SNX25: variants seen among roughly 807,000 people sequenced by gnomAD.
SNX25 encodes the protein sorting nexin-25.
In SNX25, 62 loss-of-function variants were observed where a neutral mutation model predicts 113.7. The ratio of observed to expected loss-of-function variants is 0.55; its 90% CI spans 0.44 to 0.67. The LOEUF (loss-of-function observed/expected upper bound fraction) is 0.67, where lower values mean the gene tolerates loss of function less well. Ranked by LOEUF, SNX25 falls within the 30% of genes least tolerant of loss-of-function variation. The pLI is 0.00. For missense variants in SNX25, 1,014 were observed against 1,161.0 expected, an observed-to-expected ratio of 0.87 and a Z score of 1.84; for synonymous variants, 421 against 436.2, an observed-to-expected ratio of 0.97 and a Z score of 0.43.
upstream of SNX25, among the ~76,000 whole-genome samples, chr4:185,205,837 T>C (rs3112882): frequency 0.45 from 68,801 of 151,712 alleles, 16,253 homozygotes; most frequent in East Asian, 0.59. Context: ...TCTAAATAAA[T>C]AAACAAACTG....
chr4:185,211,899 T>A (rs1440072750), intron 1 of SNX25, among the ~76,000 whole-genome samples: 1 of 152,160 alleles, frequency 6.6e-6, no homozygotes, highest in Non-Finnish European at 1.5e-5. Context: ...CCCGCAAATC[T>A]CCCAGCTCAC....
intron 10 of SNX25, 55 bp downstream of exon 10, chr4:185,332,814 A>C: frequency 6.4e-7 from 1 of 1,558,274 alleles, no homozygotes; most frequent in Non-Finnish European, 8.7e-7. Flanking sequence ...CTAATTTGGT[A>C]GTTTTCAGTT....
downstream of SNX25, chr4:185,364,582 G>T (rs2095380077): frequency 6.6e-6 from 1 of 152,046 alleles, no homozygotes; most frequent in South Asian, 2.1e-4. Context: ...CTAACTTCTT[G>T]ATAAGAAACA....
At chr4:185,358,163 A>T (rs771505984) in intron 16 of SNX25, among the ~76,000 whole-genome samples, 1 of 152,248 alleles carries the variant, frequency 6.6e-6, no homozygotes, top group Non-Finnish European at 1.5e-5. Context: ...CAGACCATGT[A>T]TTAAGGTTTT....
chr4:185,368,619 C>G (rs967382214), downstream of SNX25, among the ~76,000 whole-genome samples: 1 of 152,178 alleles, frequency 6.6e-6, no homozygotes, highest in Admixed American at 6.5e-5. Flanking sequence ...CACTGGTTTA[C>G]TGCCTCTAAA....
At position 185,220,565 on chromosome 4, in the gene SNX25, T is replaced by A. The variant is rs1410989392; in HGVS notation, c.429+10310T>A. ...TGTGCGATCGCGGCTTACTACAACC[T>A]CTGCCTGCCAGGTTCAAGCAATTCT... On this transcript the variant is annotated intron_variant, in intron 1 of 18. Transcript: ENST00000652585. Among the ~76,000 whole-genome samples, 4 of 142,936 alleles carry A rather than the reference T, an allele frequency of 2.8e-5. No homozygotes were observed. In the Admixed American group the frequency reaches 2.9e-4, roughly 10 times the overall value. 93.8% of individuals were successfully genotyped at this position (142,936 alleles called of 152,430 possible).
intron 16 of SNX25, among the ~76,000 whole-genome samples, chr4:185,360,297 T>C (rs938016623): frequency 6.6e-6 from 1 of 152,166 alleles, no homozygotes; most frequent in Non-Finnish European, 1.5e-5. Flanking sequence ...GAGAAGAGTC[T>C]AGGAGATACG....
chr4:185,361,205 G>A (rs28542795), intron 16 of SNX25, among the ~76,000 whole-genome samples: 34,458 of 152,028 alleles, frequency 0.23, 4,110 homozygotes, highest in African/African-American at 0.3. Context: ...AGACAGCTAC[G>A]GAAAGCCTGC....
intron 1 of SNX25, among the ~76,000 whole-genome samples, chr4:185,217,045 G>A (rs146579135): frequency 6.6e-6 from 1 of 152,172 alleles, no homozygotes; most frequent in Non-Finnish European, 1.5e-5. Context: ...CTTCAGGCAT[G>A]GTCACTGTTG....
intron 6 of SNX25, among the ~76,000 whole-genome samples, chr4:185,302,579 G>T (rs557762560): frequency 3.9e-5 from 6 of 152,318 alleles, no homozygotes; most frequent in African/African-American, 1.4e-4. Flanking sequence ...TTGGAGTTGG[G>T]TTTTCCTTGC....
At chr4:185,376,909 C>G in the SNX25 span, 1 of 1,600,162 alleles carries the variant, frequency 6.2e-7, no homozygotes, top group Non-Finnish European at 8.6e-7. Flanking sequence ...AAAATGATAC[C>G]TCTTCAAAAT....
At chr4:185,261,114 C>CTGTGTGTGTGTGTGTGTG (rs369434936) in intron 3 of SNX25, among the ~76,000 whole-genome samples, 3 of 141,656 alleles carry the variant, frequency 2.1e-5, no homozygotes, top group Admixed American at 7.1e-5. Flanking sequence ...CTGTCTGTCT[C>CTGTGTGTGTGTGTGTGTG]TGTGTGTGTG....
rs1240070655 is a variant in SNX25, at chr4:185,311,683, AT to A, written c.1344+871del. Reference sequence around the variant, plus strand: ...ACAGCCTCTAACCTCACTTGTTCTGATTTTCAGTCTCTTGATTCTTTCCTGT... The same window carrying A: ...ACAGCCTCTAACCTCACTTGTTCTGATTTCAGTCTCTTGATTCTTTCCTGT... On this transcript the variant is annotated intron_variant, in intron 7 of 18. Transcript: ENST00000652585. Among the ~76,000 whole-genome samples, 4 of 152,188 alleles carry A rather than the reference AT, an allele frequency of 2.6e-5. No homozygotes were observed. In the East Asian group the frequency reaches 7.7e-4, roughly 29 times the overall value.
intron 5 of SNX25, among the ~76,000 whole-genome samples, chr4:185,282,792 C>A (rs1348782743): frequency 6.6e-6 from 1 of 152,152 alleles, no homozygotes; most frequent in East Asian, 1.9e-4. Flanking sequence ...AATCTGTGCA[C>A]TTTTGATCAA....
intron 11 of SNX25, among the ~76,000 whole-genome samples, chr4:185,341,236 C>T (rs1207964237): frequency 6.6e-6 from 1 of 152,204 alleles, no homozygotes; most frequent in African/African-American, 2.4e-5. Flanking sequence ...CGCATGCACA[C>T]ATACAATATC....
At chr4:185,267,729 TAAA>T (rs963267655) in intron 5 of SNX25, among the ~76,000 whole-genome samples, 2 of 136,264 alleles carry the variant, frequency 1.5e-5, no homozygotes, top group Non-Finnish European at 1.6e-5. Context: ...AGACTCCTTC[TAAA>T]AAAAAAAAAA....
intron 10 of SNX25, among the ~76,000 whole-genome samples, chr4:185,335,460 G>A (rs2095224015): frequency 6.6e-6 from 1 of 151,920 alleles, no homozygotes; most frequent in Admixed American, 6.6e-5. Flanking sequence ...GACTTTTCTG[G>A]ATTAAATATC....
At chr4:185,300,542 AAG>A (rs1309909611) in intron 6 of SNX25, among the ~76,000 whole-genome samples, 1 of 151,798 alleles carries the variant, frequency 6.6e-6, no homozygotes, top group African/African-American at 2.4e-5. Context: ...TGCCTGAAAA[AAG>A]AGAGCTAGCT....
chr4:185,320,348 C>A (rs1346906492), intron 7 of SNX25, among the ~76,000 whole-genome samples: 1 of 152,040 alleles, frequency 6.6e-6, no homozygotes, highest in African/African-American at 2.4e-5. Context: ...AAGCTAGAGG[C>A]CATCATCCTC....
Sources: allele counts gnomAD v4.1 joint callset (sites outside exome capture counted in the v4.1 genomes callset), GRCh38; gene constraint gnomAD v4.1.1; transcripts MANE v1.5; gene names NCBI Gene and HGNC (gene_info 2026-07-23, HGNC 2026-07-21).